The following TOGARAM2 variants were observed in gnomAD, a reference collection of about 807,000 sequenced individuals.
The protein encoded by TOGARAM2 is TOG array regulator of axonemal microtubules 2, also known as TOG array regulator of axonemal microtubules protein 2.
In TOGARAM2, 85 loss-of-function variants were observed where a neutral mutation model predicts 93.3. The observed-to-expected ratio is 0.91, with a 90% CI of 0.76 to 1.09. The LOEUF is 1.09. Ranked by LOEUF, TOGARAM2 falls within the 50% of genes least tolerant of loss-of-function variation. TOGARAM2 has a pLI of 0.00. For missense variants in TOGARAM2, 1,277 were observed against 1,334.5 expected, an observed-to-expected ratio of 0.96 and a Z score of 0.67; for synonymous variants, 593 against 552.8, an observed-to-expected ratio of 1.07 and a Z score of -1.02.
rs373093743 is a variant in TOGARAM2, at chr2:28,999,218, C to T, written c.177C>T (p.Asn59=). Residue 59 remains asparagine, a synonymous_variant, in exon 4 of 20, where the codon AAC becomes AAT. Transcript: ENST00000379558. ...CTGAGCCAAGAGCCCTGCTGAACAA[C>T]GAGGAACCGTCACAGCTCCTGCGTG... is the stretch of plus-strand genomic sequence containing the variant. ...LQPEPRALLN[N]EEPSQLLRGL... The T allele has an allele frequency of 3.4e-4, 547 of 1,613,730 alleles. 1 individual carries two copies. The highest frequency in any genetic ancestry group is 3.9e-4 in the Non-Finnish European group (460 of 1,179,766).
chr2:29,008,853 G>C (rs1664042800), intron 6 of TOGARAM2, among the ~76,000 whole-genome samples: 1 of 152,228 alleles, frequency 6.6e-6, no homozygotes, highest in South Asian at 2.1e-4. Flanking sequence ...GTGGGGCCAG[G>C]ATTGGTACCT....
In TOGARAM2 at chr2:29,002,760, G is replaced by A. The variant is rs771390302; in HGVS notation, c.639+13G>A. On this transcript the variant is annotated intron_variant, in intron 5 of 19. Coordinates refer to ENST00000379558, the MANE Select transcript of TOGARAM2 (RefSeq NM_199280.4). ...CGGTGCTCAGGAGGTAAGGTGGTTC[G>A]ACTGCTGTGAGTCTGGTCCTCAGCT... 6.8e-6 allele frequency: 11 copies of A among 1,609,482 alleles called. No individual in the cohort carries two copies. Among genetic ancestry groups the A allele is most frequent in the African/African-American group, 1.3e-5 (1 of 74,862 alleles).
At chr2:28,988,763 C>G (rs918413849) in intron 1 of TOGARAM2, among the ~76,000 whole-genome samples, 1 of 152,214 alleles carries the variant, frequency 6.6e-6, no homozygotes, top group Non-Finnish European at 1.5e-5. Context: ...ATACCTTCCA[C>G]TCACGCCTCA....
chr2:29,035,930 G>C (rs182846459), intron 17 of TOGARAM2, among the ~76,000 whole-genome samples: 18 of 152,296 alleles, frequency 1.2e-4, no homozygotes. Flanking sequence ...GTGAGGCCTT[G>C]GGTTGCTTCT....
At chr2:28,998,308 G>C (rs1673100945) in intron 3 of TOGARAM2, 55 bp downstream of exon 3, 2 of 1,303,216 alleles carry the variant, frequency 1.5e-6, no homozygotes, top group Non-Finnish European at 2.1e-6. Context: ...CTGGAGCGGG[G>C]AGTGAGTGTG....
At chr2:29,004,836 T>C (rs909505857) in intron 6 of TOGARAM2, among the ~76,000 whole-genome samples, 1 of 150,334 alleles carries the variant, frequency 6.7e-6, no homozygotes, top group Non-Finnish European at 1.5e-5. Flanking sequence ...TGCATGTATG[T>C]GTATGAGTGC....
At chr2:28,964,526 G>A (rs1439326777) in intron 1 of TOGARAM2, among the ~76,000 whole-genome samples, 1 of 150,874 alleles carries the variant, frequency 6.6e-6, no homozygotes, top group Non-Finnish European at 1.5e-5. Context: ...AGGATGTGCA[G>A]GTTTGTTACA....
chr2:28,978,508 T>C (rs1052037206), upstream of TOGARAM2, among the ~76,000 whole-genome samples: 8 of 152,136 alleles, frequency 5.3e-5, no homozygotes, highest in African/African-American at 1.7e-4. Context: ...AAGAGGACTC[T>C]TGGTGACATT....
intron 2 of TOGARAM2, 121 bp downstream of exon 2, chr2:28,994,983 C>A: frequency 1.6e-6 from 2 of 1,256,786 alleles, no homozygotes; most frequent in Non-Finnish European, 2.2e-6. Flanking sequence ...GAGATAACAG[C>A]CAGGTGGCCG....
At chr2:28,988,528 G>A (rs1442412026) in intron 1 of TOGARAM2, among the ~76,000 whole-genome samples, 1 of 152,072 alleles carries the variant, frequency 6.6e-6, no homozygotes, top group Non-Finnish European at 1.5e-5. Flanking sequence ...CCTCCCCTGT[G>A]TCTTCAGCCT....
rs185951007 is a variant in TOGARAM2, at chr2:28,999,348, C to T, written c.307C>T (p.Pro103Ser). The T allele has an allele frequency of 6.9e-5, 111 of 1,613,640 alleles. No individual in the cohort carries two copies. In the African/African-American group the frequency reaches 1.0e-3, roughly 15 times the overall value. The stretch of plus-strand genomic sequence containing the variant: ...CAGGGCCTTGTCTTTGGGGGACCAG[C>T]CCCTGGTGCTCCTCCCTTCTCCGGA... ...NLRALSLGDQPLVLLPSPESE... is the reference protein window; with the variant it reads ...NLRALSLGDQSLVLLPSPESE... Residue 103 changes from proline (P) to serine (S), a missense_variant, in exon 4 of 20, where the codon CCC becomes TCC. Transcript: ENST00000379558.
intron 10 of TOGARAM2, among the ~76,000 whole-genome samples, chr2:29,021,463 A>G (rs1664939913): frequency 6.6e-6 from 1 of 152,188 alleles, no homozygotes; most frequent in South Asian, 2.1e-4. Context: ...CTGTGTGATC[A>G]GGGCATTTGG....
intron 1 of TOGARAM2, among the ~76,000 whole-genome samples, chr2:28,958,123 C>A (rs572488954): frequency 6.6e-6 from 1 of 152,210 alleles, no homozygotes; most frequent in South Asian, 2.1e-4. Flanking sequence ...CAAATAGGTC[C>A]GTTCTAGAAA....
intron 18 of TOGARAM2, among the ~76,000 whole-genome samples, chr2:29,042,772 G>T (rs1275106325): frequency 3.9e-5 from 6 of 152,196 alleles, no homozygotes; most frequent in Non-Finnish European, 8.8e-5. Flanking sequence ...TCTCTTACAG[G>T]GGGCAGTAGC....
intron 14 of TOGARAM2, among the ~76,000 whole-genome samples, chr2:29,030,714 G>A (rs562516845): frequency 4.6e-5 from 7 of 152,290 alleles, no homozygotes; most frequent in Admixed American, 1.3e-4. Flanking sequence ...TGCCACCTGA[G>A]TGTAGGTGCT....
Position 29,033,518 on chromosome 2 carries a change from T to A in TOGARAM2, c.2180T>A (p.Leu727Ter). The change falls in exon 16 of 20, where the codon TTG becomes TAG. Residue 727 changes from leucine to a stop codon, truncating the protein, a stop_gained. Coordinates refer to ENST00000379558, the MANE Select transcript of TOGARAM2 (RefSeq NM_199280.4). LOFTEE classifies it high-confidence loss of function. ...ELPSAKGRKV[L>*]RSLVVCENGL... ...CCCTCTGCCAAAGGCCGCAAGGTGT[T>A]GAGGAGTCTGGTGGTGTGTGAGAAC... The A allele has an allele frequency of 6.2e-7, 1 of 1,613,788 alleles. No homozygotes were observed. The highest frequency in any genetic ancestry group is 8.5e-7 in the Non-Finnish European group (1 of 1,179,848).
chr2:29,028,197 CA>C (rs2148360247), intron 14 of TOGARAM2, among the ~76,000 whole-genome samples: 1 of 149,372 alleles, frequency 6.7e-6, no homozygotes, highest in East Asian at 2.0e-4. Flanking sequence ...ATCCTCGCCC[CA>C]ACTGGAGACC....
intron 2 of TOGARAM2, among the ~76,000 whole-genome samples, chr2:28,997,434 C>T (rs191843628): frequency 1.3e-5 from 2 of 152,210 alleles, no homozygotes; most frequent in African/African-American, 4.8e-5. Flanking sequence ...TCCCAGGCCC[C>T]GCACTGTCAT....
In TOGARAM2 at chr2:29,003,817, G is replaced by A. The variant is rs143935205; in HGVS notation, c.830+135G>A. On this transcript the variant is annotated intron_variant, in intron 6 of 19. Coordinates refer to ENST00000379558, the MANE Select transcript of TOGARAM2 (RefSeq NM_199280.4). Reference sequence around the variant, plus strand: ...ACACCAGGCAGGGAAAGGGCTGGGGGCTCCACCCATGAGCCACAGACCTAG... The same window carrying A: ...ACACCAGGCAGGGAAAGGGCTGGGGACTCCACCCATGAGCCACAGACCTAG... The A allele has an allele frequency of 5.4e-4, 469 of 872,946 alleles. 3 individuals carry two copies. The African/African-American group carries it at 7.1e-3, about 13-fold the overall frequency. 54.1% of individuals were successfully genotyped at this position (872,946 alleles called of 1,614,324 possible). A position where few individuals can be genotyped will look rare whatever the true frequency, so the allele number is the denominator to read the frequency against.
Sources: allele counts gnomAD v4.1 joint callset (sites outside exome capture counted in the v4.1 genomes callset), GRCh38; gene constraint gnomAD v4.1.1; transcripts MANE v1.5; gene names NCBI Gene and HGNC (gene_info 2026-07-23, HGNC 2026-07-21).